The following ACOT11 variants were observed in gnomAD, a reference collection of about 807,000 sequenced individuals.
ACOT11 encodes the protein acyl-coenzyme A thioesterase 11.
A neutral mutation model predicts 77.5 loss-of-function variants in ACOT11; 69 were observed. The observed-to-expected ratio is 0.89, with a 90% CI of 0.73 to 1.09. The LOEUF (loss-of-function observed/expected upper bound fraction) is 1.09, where lower values mean the gene tolerates loss of function less well. Among genes scored for constraint, ACOT11 ranks in the 50% least tolerant of loss-of-function variants. The pLI, the probability that ACOT11 is intolerant of heterozygous loss-of-function variation, is 0.00. For synonymous variants in ACOT11, 279 were observed against 313.0 expected (o/e 0.89, Z 1.15); for missense variants, 766 against 813.7 (o/e 0.94, Z 0.71).
chr1:54,572,663 T>C (rs1208952969), intron 1 of ACOT11, among the ~76,000 whole-genome samples: 1 of 152,222 alleles, frequency 6.6e-6, no homozygotes, highest in Non-Finnish European at 1.5e-5. Context: ...TTTTGTGGTC[T>C]GCTGGAGGTA....
At chr1:54,582,015 C>G (rs80119070) in intron 1 of ACOT11, among the ~76,000 whole-genome samples, 1 of 152,230 alleles carries the variant, frequency 6.6e-6, no homozygotes, top group African/African-American at 2.4e-5. Flanking sequence ...CTCCAGCCCA[C>G]GGCTTCTGCG....
intron 8 of ACOT11, among the ~76,000 whole-genome samples, chr1:54,600,449 G>A (rs1444715176): frequency 1.3e-5 from 2 of 152,146 alleles, no homozygotes; most frequent in Non-Finnish European, 2.9e-5. Flanking sequence ...TTGGGAGGCC[G>A]AGGCAGGAAG....
In ACOT11 at chr1:54,584,876, C is replaced by T. The variant is rs1406053729; in HGVS notation, c.241+14C>T. On this transcript the variant is annotated intron_variant, in intron 2 of 15. Coordinates refer to ENST00000343744, the MANE Select transcript of ACOT11 (RefSeq NM_147161.4). This position sits in a 1 kb window ranked among gnomAD's most constrained non-coding sequence, Gnocchi z 6.3. The stretch of plus-strand genomic sequence containing the variant: ...CTTGCCTGTCCGGTAAGGCTGCGCT[C>T]CCCATGGTTCCCTACCTGCCCCACA... 1 of 1,602,538 alleles carries T rather than the reference C, an allele frequency of 6.2e-7. No homozygotes were observed. Among genetic ancestry groups the T allele is most frequent in the African/African-American group, 1.3e-5 (1 of 74,748 alleles).
At chr1:54,634,747 G>T in exon 17 of ACOT11, 1 of 702,466 alleles carries the variant, frequency 1.4e-6, no homozygotes, top group South Asian at 1.5e-5. Flanking sequence ...TCATGAGCCA[G>T]ATGCCAAGGA....
At chr1:54,556,333 G>C (rs1653258295) in intron 1 of ACOT11, among the ~76,000 whole-genome samples, 1 of 152,078 alleles carries the variant, frequency 6.6e-6, no homozygotes. Flanking sequence ...TGATGCCTTT[G>C]GCTCTGTTCT....
chr1:54,602,557 G>A (rs925279619), intron 9 of ACOT11, 112 bp from the exon 10 acceptor site: 9 of 1,038,036 alleles, frequency 8.7e-6, no homozygotes, highest in Admixed American at 4.0e-5. Context: ...CTGCCCCAGC[G>A]ACACCTGAAC....
intron 15 of ACOT11, 90 bp from the exon 16 acceptor site, chr1:54,608,867 C>G (rs1005109290): frequency 7.6e-7 from 1 of 1,309,070 alleles, no homozygotes. Context: ...AAGGCTGACT[C>G]ACCACCAGCC....
intron 2 of ACOT11, 125 bp from the exon 3 acceptor site, chr1:54,585,710 G>C (rs1654474967): frequency 1.2e-6 from 1 of 818,054 alleles, no homozygotes; most frequent in East Asian, 2.6e-5. Context: ...GGTGGCAGCA[G>C]GGTGTGGTGG....
chr1:54,583,823 CCCT>C (rs1211927429), intron 1 of ACOT11, among the ~76,000 whole-genome samples: 35 of 152,316 alleles, frequency 2.3e-4, no homozygotes, highest in African/African-American at 8.2e-4. Flanking sequence ...ATATGCCTGT[CCCT>C]CCTCATTTTT....
downstream of ACOT11, among the ~76,000 whole-genome samples, chr1:54,614,010 T>G (rs1644145191): frequency 6.6e-6 from 1 of 152,224 alleles, no homozygotes; most frequent in African/African-American, 2.4e-5. Flanking sequence ...TCATAAGAGT[T>G]AAACGGTGTT....
chr1:54,578,975 A>G (rs1169646918), intron 1 of ACOT11, among the ~76,000 whole-genome samples: 1 of 152,202 alleles, frequency 6.6e-6, no homozygotes, highest in African/African-American at 2.4e-5. Context: ...TATTGGTTCA[A>G]TTCTCTACCT....
intron 1 of ACOT11, among the ~76,000 whole-genome samples, chr1:54,568,632 G>A (rs935790537): frequency 6.6e-6 from 1 of 152,090 alleles, no homozygotes; most frequent in Non-Finnish European, 1.5e-5. Context: ...TGAAAGTGCT[G>A]GGATTACAGG....
downstream of ACOT11, among the ~76,000 whole-genome samples, chr1:54,614,435 G>T (rs2101018142): frequency 2.6e-5 from 4 of 152,272 alleles, no homozygotes; most frequent in South Asian, 8.3e-4. Context: ...AGAAGGAAGT[G>T]TAGGGGTTGA....
At chr1:54,617,146 C>A (rs1298327181) in intron 15 of ACOT11, among the ~76,000 whole-genome samples, 1 of 152,230 alleles carries the variant, frequency 6.6e-6, no homozygotes, top group African/African-American at 2.4e-5. Context: ...TTAACTCAAT[C>A]AGGTGGACAT....
chr1:54,565,706 T>TG (rs1365444770), intron 1 of ACOT11, among the ~76,000 whole-genome samples: 1 of 152,212 alleles, frequency 6.6e-6, no homozygotes, highest in Non-Finnish European at 1.5e-5. Flanking sequence ...TTTGAGCTTC[T>TG]GCAAAGGCAA....
chr1:54,605,544 C>T (rs577421375), intron 13 of ACOT11, among the ~76,000 whole-genome samples: 1 of 152,188 alleles, frequency 6.6e-6, no homozygotes, highest in East Asian at 1.9e-4. Context: ...GATTCACACT[C>T]AGAGATACTG....
At chr1:54,560,912 G>A (rs1000438088) in intron 1 of ACOT11, among the ~76,000 whole-genome samples, 1 of 151,812 alleles carries the variant, frequency 6.6e-6, no homozygotes, top group Admixed American at 6.6e-5. Flanking sequence ...TAGTAGAGAC[G>A]GGGTTTCACC....
At chr1:54,578,311 C>T (rs911236334) in intron 1 of ACOT11, among the ~76,000 whole-genome samples, 12 of 152,152 alleles carry the variant, frequency 7.9e-5, no homozygotes, top group African/African-American at 2.9e-4. Flanking sequence ...TGAGTGTCTC[C>T]AGTCTCTTAT....
chr1:54,615,848 A>G (rs1443833602), intron 15 of ACOT11, among the ~76,000 whole-genome samples: 1 of 152,186 alleles, frequency 6.6e-6, no homozygotes, highest in African/African-American at 2.4e-5. Context: ...CATGCTCCCC[A>G]TCTCGCCTAG....
Sources: allele counts gnomAD v4.1 joint callset (sites outside exome capture counted in the v4.1 genomes callset), GRCh38; gene constraint gnomAD v4.1.1; non-coding constraint Gnocchi (gnomAD v3.1); transcripts MANE v1.5; gene names NCBI Gene and HGNC (gene_info 2026-07-23, HGNC 2026-07-21).